ITFG1: variants seen among roughly 807,000 people sequenced by gnomAD.
The protein encoded by ITFG1 is T-cell immunomodulatory protein.
Under a neutral mutation model 81.8 loss-of-function variants are expected in ITFG1, and 34 were observed. The observed-to-expected ratio is 0.42, with a 90% CI of 0.32 to 0.55. ITFG1 has a LOEUF of 0.55. Ranked by LOEUF, ITFG1 falls within the 20% of genes least tolerant of loss-of-function variation. ITFG1 has a pLI of 0.17. For synonymous variants in ITFG1, 285 were observed against 270.6 expected, an observed-to-expected ratio of 1.05 and a Z score of -0.52; for missense variants, 672 against 755.4, an observed-to-expected ratio of 0.89 and a Z score of 1.29.
intron 8 of ITFG1, among the ~76,000 whole-genome samples, chr16:47,338,697 A>T (rs1228605294): frequency 6.6e-6 from 1 of 151,806 alleles, no homozygotes; most frequent in African/African-American, 2.4e-5. Context: ...GGGTACATAG[A>T]AGGTGTATAC....
chr16:47,322,343 T>A (rs906430523), intron 8 of ITFG1, among the ~76,000 whole-genome samples: 11 of 152,254 alleles, frequency 7.2e-5, no homozygotes, highest in Admixed American at 2.0e-4. Flanking sequence ...AATTATTAAT[T>A]TTTAATTGAC....
chr16:47,324,876 A>C (rs1967508571), intron 8 of ITFG1, among the ~76,000 whole-genome samples: 1 of 152,154 alleles, frequency 6.6e-6, no homozygotes, highest in African/African-American at 2.4e-5. Flanking sequence ...CTCCCACACA[A>C]TAATAATGGG....
chr16:47,433,409 G>C (rs1360841083), intron 5 of ITFG1, among the ~76,000 whole-genome samples: 1 of 152,150 alleles, frequency 6.6e-6, no homozygotes, highest in Non-Finnish European at 1.5e-5. Flanking sequence ...GCTTTGTTCA[G>C]ACAGAGCTAG....
At chr16:47,350,035 T>C (rs977550084) in intron 8 of ITFG1, among the ~76,000 whole-genome samples, 4 of 152,280 alleles carry the variant, frequency 2.6e-5, no homozygotes, top group South Asian at 2.1e-4. Context: ...AGACACAACA[T>C]ACCAGAATCT....
chr16:47,272,920 T>G (rs1171842312), intron 10 of ITFG1, among the ~76,000 whole-genome samples: 1 of 148,296 alleles, frequency 6.7e-6, no homozygotes, highest in Non-Finnish European at 1.5e-5. Context: ...GTATGCAATT[T>G]TTTTGAGGCT....
rs935919660 is a variant in ITFG1 at position 47,293,980 on chromosome 16, T to C, written c.1070+17260A>G. On this transcript the variant is annotated intron_variant, in intron 10 of 17. Coordinates refer to ENST00000320640, the MANE Select transcript of ITFG1 (RefSeq NM_030790.5). ...GTTTTCTTTCCAGGATTTCTTCCAG[T>C]ATTTTTATTATTTCAGATCTTATAT... Among the ~76,000 whole-genome samples, 9 of 152,084 alleles carry C rather than the reference T, an allele frequency of 5.9e-5. No homozygotes were observed. In the East Asian group the frequency reaches 1.5e-3, roughly 26 times the overall value.
intron 8 of ITFG1, among the ~76,000 whole-genome samples, chr16:47,327,706 C>A (rs895582541): frequency 2.6e-5 from 4 of 152,192 alleles, no homozygotes; most frequent in East Asian, 1.9e-4. Context: ...ATTTATGCAG[C>A]CAAAAAACAC....
At chr16:47,233,839 C>T (rs1374429837) in intron 13 of ITFG1, among the ~76,000 whole-genome samples, 2 of 152,158 alleles carry the variant, frequency 1.3e-5, no homozygotes, top group Non-Finnish European at 2.9e-5. Flanking sequence ...ATCAACTGGG[C>T]TCCTGTATAA....
chr16:47,331,185 G>C (rs1406903641), intron 8 of ITFG1, among the ~76,000 whole-genome samples: 1 of 152,064 alleles, frequency 6.6e-6, no homozygotes, highest in African/African-American at 2.4e-5. Context: ...TGCAGCTGGA[G>C]GCCATTATCC....
chr16:47,165,914 G>T (rs1041077192), intron 14 of ITFG1, among the ~76,000 whole-genome samples: 4 of 152,148 alleles, frequency 2.6e-5, no homozygotes. Context: ...AGCAAAGACT[G>T]ACTTAACAGA....
At chr16:47,432,298 C>T (rs1969106218) in intron 5 of ITFG1, among the ~76,000 whole-genome samples, 2 of 152,166 alleles carry the variant, frequency 1.3e-5, no homozygotes, top group Non-Finnish European at 2.9e-5. Flanking sequence ...TTAAGTCCAA[C>T]TTAATTGTCA....
At chr16:47,161,477 A>C in intron 16 of ITFG1, 1 of 232,134 alleles carries the variant, frequency 4.3e-6, no homozygotes, top group Non-Finnish European at 8.5e-6. Context: ...ATAACTAGTA[A>C]ACTGAAGAGC....
At chr16:47,441,707 A>T (rs1465924186) in intron 5 of ITFG1, among the ~76,000 whole-genome samples, 1 of 152,076 alleles carries the variant, frequency 6.6e-6, no homozygotes, top group African/African-American at 2.4e-5. Flanking sequence ...TCTATGACAA[A>T]CCCACAGCCA....
chr16:47,319,883 A>G lies in ITFG1; in HGVS notation c.803-6060T>C, dbSNP rs571898189. The stretch of plus-strand genomic sequence containing the variant: ...CAATTTTCACCTTGTGTAATCCTTG[A>G]AAGAGATTCAGGGAGCCACCCCTCC... On this transcript the variant is annotated intron_variant, in intron 8 of 17. Transcript: ENST00000320640. Among the ~76,000 whole-genome samples, 127 of 152,312 alleles carry G rather than the reference A, an allele frequency of 8.3e-4. 1 individual carries two copies. Among genetic ancestry groups the G allele is most frequent in the African/African-American group, 2.9e-3 (120 of 41,576 alleles).
At chr16:47,199,279 A>ACCAAACCAAG (rs1965396083) in intron 14 of ITFG1, among the ~76,000 whole-genome samples, 1 of 151,110 alleles carries the variant, frequency 6.6e-6, no homozygotes, top group Admixed American at 6.6e-5. Flanking sequence ...CCCAAACCAA[A>ACCAAACCAAG]CCAAACCAAA....
At chr16:47,357,614 C>CAAAA (rs75054901) in intron 8 of ITFG1, among the ~76,000 whole-genome samples, 2 of 61,126 alleles carry the variant, frequency 3.3e-5, no homozygotes, top group African/African-American at 5.7e-5. Flanking sequence ...GACTCCGTCT[C>CAAAA]AAAAAAAAAA....
intron 2 of ITFG1, 150 bp from the exon 3 acceptor site, chr16:47,454,308 C>A: frequency 1.4e-6 from 1 of 702,220 alleles, no homozygotes; most frequent in Non-Finnish European, 2.4e-6. Flanking sequence ...TTTCATCCAT[C>A]ATGTATTTAG....
intron 6 of ITFG1, among the ~76,000 whole-genome samples, chr16:47,386,547 TG>T (rs1476088227): frequency 1.3e-5 from 2 of 152,248 alleles, no homozygotes; most frequent in African/African-American, 4.8e-5. Context: ...CTCACAAAGG[TG>T]GAGGATCCAT....
chr16:47,376,947 GGGAGA>G (rs1968332635), intron 6 of ITFG1, among the ~76,000 whole-genome samples: 1 of 132,818 alleles, frequency 7.5e-6, no homozygotes, highest in Non-Finnish European at 1.5e-5. Context: ...TGGAGACAGA[GGGAGA>G]CTCTGTCTCC....
Sources: allele counts gnomAD v4.1 joint callset (sites outside exome capture counted in the v4.1 genomes callset), GRCh38; gene constraint gnomAD v4.1.1; transcripts MANE v1.5; gene names NCBI Gene and HGNC (gene_info 2026-07-23, HGNC 2026-07-21).